RARB: variants seen among roughly 807,000 people sequenced by gnomAD.
RARB encodes the protein retinoic acid receptor beta.
RARB carries 17 observed loss-of-function variants against 51.9 expected under a neutral mutation model. That is an observed-to-expected ratio of 0.33 (90% CI 0.22 to 0.49). The LOEUF (loss-of-function observed/expected upper bound fraction) is 0.49. Ranked by LOEUF, RARB falls within the 20% of genes least tolerant of loss-of-function variation. RARB has a pLI of 0.99. For synonymous variants in RARB, 215 were observed against 195.4 expected (o/e 1.10, Z -0.84); for missense variants, 369 against 550.8 (o/e 0.67, Z 3.30).
At chr3:25,110,744 G>A (rs1053201259) in intron 3 of RARB, among the ~76,000 whole-genome samples, 1 of 152,152 alleles carries the variant, frequency 6.6e-6, no homozygotes, top group African/African-American at 2.4e-5. Context: ...TTAGTGTATT[G>A]TAGCTCAGTT....
At chr3:25,556,184 G>A (rs539380521) in intron 3 of RARB, among the ~76,000 whole-genome samples, 12 of 152,106 alleles carry the variant, frequency 7.9e-5, no homozygotes, top group Non-Finnish European at 1.6e-4. Context: ...AGTTCTGTAG[G>A]CCACAAAGAA....
At chr3:25,286,528 A>G (rs1053206967) in intron 5 of RARB, among the ~76,000 whole-genome samples, 20 of 152,282 alleles carry the variant, frequency 1.3e-4, no homozygotes, top group Middle Eastern at 3.4e-3. Flanking sequence ...CCTATACAAC[A>G]TTGTTGAATT....
At chr3:25,413,033 A>G (rs553870604) in intron 5 of RARB, among the ~76,000 whole-genome samples, 1 of 152,064 alleles carries the variant, frequency 6.6e-6, no homozygotes, top group South Asian at 2.1e-4. Context: ...GGAAAAAAAA[A>G]AAAGAAGAAG....
intron 1 of RARB, among the ~76,000 whole-genome samples, chr3:25,459,622 A>C (rs1230127134): frequency 6.6e-6 from 1 of 152,154 alleles, no homozygotes; most frequent in Non-Finnish European, 1.5e-5. Flanking sequence ...GTGAGAGGCG[A>C]TGGTGGATTA....
chr3:25,220,124 A>T (rs919929244), intron 5 of RARB, among the ~76,000 whole-genome samples: 1 of 152,246 alleles, frequency 6.6e-6, no homozygotes. Flanking sequence ...ACCTGTAGCC[A>T]TAAATTAAAT....
intron 5 of RARB, among the ~76,000 whole-genome samples, chr3:25,393,358 G>A (rs566110193): frequency 6.6e-6 from 1 of 151,436 alleles, no homozygotes; most frequent in African/African-American, 2.4e-5. Context: ...GTAGTTTTTT[G>A]TTATGTCCTT....
In RARB at chr3:25,380,243, G is replaced by T. The variant is rs558161023; in HGVS notation, c.179-80950G>T. 7.9e-5 allele frequency among the ~76,000 whole-genome samples: 12 copies of T among 152,194 alleles called. No homozygotes were observed. In the East Asian group the frequency reaches 2.3e-3, roughly 29 times the overall value. On this transcript the variant is annotated intron_variant, in intron 5 of 11. Coordinates refer to the RARB transcript ENST00000383772. ...GAGGTCCCAGAGTGACAGGATCCTC[G>T]CATGCAGGACGCCAGCCCTCAGACT...
At chr3:25,264,884 A>G (rs1040100102) in intron 5 of RARB, among the ~76,000 whole-genome samples, 1 of 152,186 alleles carries the variant, frequency 6.6e-6, no homozygotes, top group South Asian at 2.1e-4. Flanking sequence ...TCTTAGTGCT[A>G]TACACTGAAT....
rs374603414 is a variant in RARB at position 25,073,567 on chromosome 3, G to C, written c.-328+13391G>C. ...TGTTACTTATAAGGTAAACCTCTAA[G>C]AGTATGAAGCATTTCTCAAACTCAT... is the stretch of plus-strand genomic sequence containing the variant. On this transcript the variant is annotated intron_variant, in intron 3 of 11. Transcript: ENST00000383772. 2.6e-5 allele frequency among the ~76,000 whole-genome samples: 4 copies of C among 152,296 alleles called. No individual in the cohort carries two copies. In the South Asian group the frequency reaches 6.2e-4, roughly 24 times the overall value.
At chr3:25,023,626 G>A (rs1697683761) in intron 2 of RARB, among the ~76,000 whole-genome samples, 1 of 152,082 alleles carries the variant, frequency 6.6e-6, no homozygotes, top group African/African-American at 2.4e-5. Context: ...TATTATTAGG[G>A]ACTTGGGATG....
intron 2 of RARB, among the ~76,000 whole-genome samples, chr3:24,982,695 C>T (rs1199315611): frequency 1.3e-5 from 2 of 152,210 alleles, no homozygotes; most frequent in African/African-American, 2.4e-5. Context: ...GTTTAACTCT[C>T]CCTCTGCCTA....
intron 3 of RARB, among the ~76,000 whole-genome samples, chr3:25,086,864 C>T (rs73141467): frequency 1.3e-5 from 2 of 152,020 alleles, no homozygotes; most frequent in East Asian, 1.9e-4. Flanking sequence ...ATAAAGCCTC[C>T]GCATAGCCTG....
intron 5 of RARB, 72 bp downstream of exon 5, chr3:25,580,794 C>A (rs1045995305): frequency 7.0e-7 from 1 of 1,427,362 alleles, no homozygotes; most frequent in South Asian, 1.5e-5. Context: ...GGGAGGGGAC[C>A]AAGAGACATT....
chr3:25,275,061 G>A (rs1470301906), intron 5 of RARB, among the ~76,000 whole-genome samples: 1 of 152,144 alleles, frequency 6.6e-6, no homozygotes, highest in East Asian at 1.9e-4. Context: ...GTCTTCTCTT[G>A]GCCCCATGCT....
intron 5 of RARB, among the ~76,000 whole-genome samples, chr3:25,312,559 T>C (rs1287277392): frequency 1.3e-5 from 2 of 152,172 alleles, no homozygotes; most frequent in Non-Finnish European, 1.5e-5. Context: ...GGTATAGTAA[T>C]GTAATTTAGT....
chr3:25,233,696 T>G (rs1484798735), intron 5 of RARB, among the ~76,000 whole-genome samples: 1 of 151,824 alleles, frequency 6.6e-6, no homozygotes, highest in Non-Finnish European at 1.5e-5. Context: ...TTGTTGTTGT[T>G]GTAGGTGCCC....
intron 2 of RARB, among the ~76,000 whole-genome samples, chr3:25,492,353 C>T (rs527775561): frequency 7.2e-5 from 11 of 152,308 alleles, no homozygotes; most frequent in African/African-American, 1.9e-4. Context: ...TTCCAGTTTA[C>T]GTTACCTAGT....
chr3:25,174,567 C>T (rs568675900), exon 5 of RARB: 10 of 1,352,094 alleles, frequency 7.4e-6, no homozygotes, highest in African/African-American at 5.9e-5. Flanking sequence ...AGCACCCCGT[C>T]GCCGGCAAGT....
intron 2 of RARB, among the ~76,000 whole-genome samples, chr3:25,463,073 A>G (rs80108542): frequency 0.058 from 8,898 of 152,190 alleles, 643 homozygotes; most frequent in African/African-American, 0.17. Context: ...GGTCTCACGT[A>G]TGTTGCCCAG....
Sources: allele counts gnomAD v4.1 joint callset (sites outside exome capture counted in the v4.1 genomes callset), GRCh38; gene constraint gnomAD v4.1.1; transcripts MANE v1.5; gene names NCBI Gene and HGNC (gene_info 2026-07-23, HGNC 2026-07-21).